Variants in LRRC7 observed in about 807,000 individuals in gnomAD.
The protein encoded by LRRC7 is leucine rich repeat containing 7, also known as leucine-rich repeat-containing protein 7.
Under a neutral mutation model 175.7 loss-of-function variants are expected in LRRC7, and 23 were observed. The ratio of observed to expected loss-of-function variants is 0.13; its 90% CI spans 0.09 to 0.19. The LOEUF is 0.19. Ranked by LOEUF, LRRC7 falls within the 10% of genes least tolerant of loss-of-function variation. The pLI is 1.00. For synonymous variants in LRRC7, 685 were observed against 680.9 expected, an observed-to-expected ratio of 1.01 and a Z score of -0.09; for missense variants, 1,354 against 1,904.7, an observed-to-expected ratio of 0.71 and a Z score of 5.38.
intron 7 of LRRC7, among the ~76,000 whole-genome samples, chr1:69,867,821 CA>C (rs1685104984): frequency 6.6e-6 from 1 of 152,038 alleles, no homozygotes; most frequent in Admixed American, 6.6e-5. Context: ...ATGCTATAAA[CA>C]GATGCAAAAA....
At chr1:69,903,959 A>AG (rs1557869980) in intron 7 of LRRC7, among the ~76,000 whole-genome samples, 1 of 152,200 alleles carries the variant, frequency 6.6e-6, no homozygotes, top group Non-Finnish European at 1.5e-5. Flanking sequence ...ACCAGGAAGA[A>AG]GTCAAATCCC....
chr1:69,687,011 A>T (rs535385143), intron 2 of LRRC7, among the ~76,000 whole-genome samples: 1 of 152,196 alleles, frequency 6.6e-6, no homozygotes, highest in African/African-American at 2.4e-5. Flanking sequence ...GGGATAAAAA[A>T]GGTCAGTTCA....
intron 8 of LRRC7, among the ~76,000 whole-genome samples, chr1:69,976,107 T>C (rs997018009): frequency 2.6e-5 from 4 of 152,204 alleles, no homozygotes; most frequent in African/African-American, 9.6e-5. Context: ...AAGATAGTTA[T>C]CACCTGAAAT....
At chr1:69,642,811 CATAG>C (rs142950544) in intron 1 of LRRC7, among the ~76,000 whole-genome samples, 5,150 of 147,250 alleles carry the variant, frequency 0.035, 102 homozygotes, top group East Asian at 0.078. Flanking sequence ...ACAGATGATA[CATAG>C]ATAGATAGAT....
intron 7 of LRRC7, among the ~76,000 whole-genome samples, chr1:69,898,881 T>C (rs1253279609): frequency 6.6e-6 from 1 of 152,214 alleles, no homozygotes; most frequent in Non-Finnish European, 1.5e-5. Flanking sequence ...CCAAATATAC[T>C]TAGTTAACAA....
chr1:69,954,363 G>A (rs1650274075), intron 8 of LRRC7, among the ~76,000 whole-genome samples: 1 of 151,970 alleles, frequency 6.6e-6, no homozygotes, highest in South Asian at 2.1e-4. Context: ...ACATTTGTTA[G>A]CAGAGCTCTC....
At chr1:69,601,232 T>C (rs1647058002) in intron 1 of LRRC7, among the ~76,000 whole-genome samples, 1 of 152,210 alleles carries the variant, frequency 6.6e-6, no homozygotes, top group Non-Finnish European at 1.5e-5. Flanking sequence ...CAAGGAAATA[T>C]ATGTGTGTAT....
At chr1:69,638,522 A>G (rs944683155) in intron 1 of LRRC7, among the ~76,000 whole-genome samples, 8 of 151,772 alleles carry the variant, frequency 5.3e-5, no homozygotes, top group Non-Finnish European at 1.2e-4. Context: ...CCTATAATGG[A>G]TGAAATAGAG....
At chr1:69,697,008 C>T (rs1470972557) in intron 2 of LRRC7, among the ~76,000 whole-genome samples, 2 of 152,178 alleles carry the variant, frequency 1.3e-5, no homozygotes, top group Non-Finnish European at 2.9e-5. Flanking sequence ...TTTCTACCTT[C>T]CTTTTTAAGA....
At chr1:69,934,976 T>C (rs1647845741) in intron 8 of LRRC7, among the ~76,000 whole-genome samples, 1 of 152,150 alleles carries the variant, frequency 6.6e-6, no homozygotes, top group South Asian at 2.1e-4. Context: ...GAGTCAGTTA[T>C]AAGAAGCAAA....
At chr1:69,787,479 G>C (rs544820305) in intron 3 of LRRC7, among the ~76,000 whole-genome samples, 4 of 152,332 alleles carry the variant, frequency 2.6e-5, no homozygotes, top group Admixed American at 6.5e-5. Context: ...GCAAACATCT[G>C]CCTGGGTATC....
chr1:70,104,187 T>G (rs560669220), intron 25 of LRRC7, among the ~76,000 whole-genome samples: 1 of 152,336 alleles, frequency 6.6e-6, no homozygotes, highest in Admixed American at 6.5e-5. Context: ...AACAGACTGA[T>G]TATTTCCCAC....
chr1:69,896,426 T>C (rs1407084112), intron 7 of LRRC7, among the ~76,000 whole-genome samples: 1 of 152,186 alleles, frequency 6.6e-6, no homozygotes, highest in East Asian at 1.9e-4. Flanking sequence ...TTTGTACCCA[T>C]TAATCAACCT....
chr1:69,842,284 C>G (rs1319423588), intron 7 of LRRC7, among the ~76,000 whole-genome samples: 1 of 151,958 alleles, frequency 6.6e-6, no homozygotes, highest in African/African-American at 2.4e-5. Flanking sequence ...TTAAATAAAA[C>G]TGTTCCATGT....
rs1252386015 is a variant in LRRC7 at position 69,625,491 on chromosome 1, CT to C, written c.3-52889del. Among the ~76,000 whole-genome samples the C allele has an allele frequency of 3.1e-4, 44 of 141,874 alleles. 2 individuals are homozygous for C. The South Asian group carries it at 3.8e-3, about 12-fold the overall frequency. 93.1% of individuals were successfully genotyped at this position (141,874 alleles called of 152,430 possible). ...TTATTAATTTATTCTATTAAGTTTA[CT>C]ATTTCCCACCTTCCTATATTTTTAG... On this transcript the variant is annotated intron_variant, in intron 1 of 26. Coordinates refer to ENST00000651989, the MANE Select transcript of LRRC7 (RefSeq NM_001370785.2).
intron 7 of LRRC7, among the ~76,000 whole-genome samples, chr1:69,900,881 C>T (rs748925931): frequency 5.3e-5 from 8 of 152,048 alleles, no homozygotes; most frequent in Non-Finnish European, 1.0e-4. Context: ...CTAAATCTAC[C>T]AGAGAATGAC....
At chr1:69,805,393 T>G (rs1216045990) in intron 4 of LRRC7, among the ~76,000 whole-genome samples, 2 of 151,764 alleles carry the variant, frequency 1.3e-5, no homozygotes, top group Non-Finnish European at 2.9e-5. Flanking sequence ...CATAAAGGGG[T>G]CTACTCTGTG....
chr1:70,134,721 T>C lies in LRRC7; in HGVS notation c.*12834T>C, dbSNP rs934176358. Among the ~76,000 whole-genome samples, 22 of 152,228 alleles carry C rather than the reference T, an allele frequency of 1.4e-4. No individual in the cohort carries two copies. Among genetic ancestry groups the C allele is most frequent in the African/African-American group, 4.6e-4 (19 of 41,454 alleles). On this transcript the variant is annotated 3_prime_UTR_variant, in exon 27 of 27. Coordinates refer to ENST00000651989, the MANE Select transcript of LRRC7 (RefSeq NM_001370785.2). ...CAATTTAACCTTCTTTGGGGGTTAATATTTTGTAAGTTCTTTCTGACCTCA... is the reference window on the plus strand; with the variant it reads ...CAATTTAACCTTCTTTGGGGGTTAACATTTTGTAAGTTCTTTCTGACCTCA...
At chr1:69,692,317 A>G (rs1024179514) in intron 2 of LRRC7, among the ~76,000 whole-genome samples, 3 of 152,214 alleles carry the variant, frequency 2.0e-5, no homozygotes, top group African/African-American at 7.2e-5. Flanking sequence ...GTTAGAAATG[A>G]TATAAGAAGT....
Sources: gnomAD v4.1 joint callset for allele counts (sites outside exome capture counted in the v4.1 genomes callset) on GRCh38, gnomAD v4.1.1 for gene constraint, MANE v1.5 for transcripts, NCBI Gene and HGNC (gene_info 2026-07-23, HGNC 2026-07-21) for gene names.